The following CDKL4 variants were observed in gnomAD, a reference collection of about 807,000 sequenced individuals.
CDKL4 encodes the protein cyclin dependent kinase like 4.
A neutral mutation model predicts 42.0 loss-of-function variants in CDKL4; 44 were observed. The observed-to-expected ratio is 1.05, with a 90% confidence interval of 0.82 to 1.35. The LOEUF (loss-of-function observed/expected upper bound fraction) is 1.35, where lower values mean the gene tolerates loss of function less well. Among genes scored for constraint, CDKL4 ranks in the 40% most tolerant of loss-of-function variants. The pLI, the probability that CDKL4 is intolerant of heterozygous loss-of-function variation, is 0.00. For missense variants in CDKL4, 393 were observed against 369.9 expected (o/e 1.06, Z -0.51); for synonymous variants, 120 against 121.6 (o/e 0.99, Z 0.09).
chr2:39,173,181 T>C (rs915035503), downstream of CDKL4, among the ~76,000 whole-genome samples: 6 of 152,180 alleles, frequency 3.9e-5, no homozygotes, highest in African/African-American at 1.4e-4. Context: ...TGTGTATATA[T>C]GGATATGCAT....
At chr2:39,190,691 A>G (rs572320798) in intron 5 of CDKL4, among the ~76,000 whole-genome samples, 189 bp from the exon 6 acceptor site, 1 of 152,288 alleles carries the variant, frequency 6.6e-6, no homozygotes, top group South Asian at 2.1e-4. Flanking sequence ...ATTCAAGAGC[A>G]CTTTAGATAA....
At chr2:39,168,312 G>C in the CDKL4 span, among the ~76,000 whole-genome samples, 1 of 152,124 alleles carries the variant, frequency 6.6e-6, no homozygotes, top group Non-Finnish European at 1.5e-5. Context: ...ACAATATTTA[G>C]ACATATGGTC....
At chr2:39,201,614 T>C (rs1329414196) in intron 5 of CDKL4, among the ~76,000 whole-genome samples, 1 of 152,154 alleles carries the variant, frequency 6.6e-6, no homozygotes, top group African/African-American at 2.4e-5. Flanking sequence ...GTGGTATATA[T>C]ATACCGCAGA....
upstream of CDKL4, among the ~76,000 whole-genome samples, chr2:39,246,520 T>G (rs1336143917): frequency 6.6e-6 from 1 of 152,252 alleles, no homozygotes; most frequent in African/African-American, 2.4e-5. Flanking sequence ...CAGGCCCATC[T>G]TTTTATGCAG....
rs2148277804 is a variant in CDKL4 at position 39,178,877 on chromosome 2, TTATTA to T, written c.927+305_927+309del. 5.4e-6 allele frequency: 8 copies of T among 1,469,296 alleles called. No individual in the cohort carries two copies. In the South Asian group the frequency reaches 1.0e-4, roughly 19 times the overall value. 91.0% of individuals were successfully genotyped at this position (1,469,296 alleles called of 1,614,324 possible). ...ACTCAGTCCTGTTGGAATCAGCATT[TTATTA>T]TATGAAGTTGTTATATTATGGGTAT... On this transcript the variant is annotated intron_variant, in intron 9 of 9. Coordinates refer to ENST00000451199, the Ensembl canonical transcript of CDKL4.
At chr2:39,231,099 C>T (rs1023547282) in intron 1 of CDKL4, among the ~76,000 whole-genome samples, 5 of 152,144 alleles carry the variant, frequency 3.3e-5, no homozygotes, top group African/African-American at 1.2e-4. Context: ...GTAATCCCAG[C>T]TACTTAGGAG....
intron 1 of CDKL4, among the ~76,000 whole-genome samples, chr2:39,242,263 C>A (rs1395234896): frequency 6.6e-6 from 1 of 152,084 alleles, no homozygotes; most frequent in African/African-American, 2.4e-5. Flanking sequence ...CTAGGCTGAT[C>A]CTGAATTCCT....
the CDKL4 span, among the ~76,000 whole-genome samples, chr2:39,168,880 C>T: frequency 1.3e-5 from 2 of 151,784 alleles, no homozygotes; most frequent in Middle Eastern, 3.4e-3. Flanking sequence ...CCTCAGCCTC[C>T]TGAGTAGCTG....
chr2:39,225,678 T>C (rs1429229821), intron 3 of CDKL4, among the ~76,000 whole-genome samples, 161 bp downstream of exon 3: 1 of 152,216 alleles, frequency 6.6e-6, no homozygotes, highest in Non-Finnish European at 1.5e-5. Flanking sequence ...AGGTAAATCA[T>C]TGTTTGCCTT....
chr2:39,223,946 G>A (rs1400242161), intron 3 of CDKL4, among the ~76,000 whole-genome samples: 1 of 152,116 alleles, frequency 6.6e-6, no homozygotes, highest in Non-Finnish European at 1.5e-5. Flanking sequence ...GGAAGGTAAG[G>A]TGAGGCTCCT....
rs571984616 is a variant in CDKL4, at chr2:39,178,109, T to A, written c.927+1078A>T. Among the ~76,000 whole-genome samples, 259 of 152,354 alleles carry A rather than the reference T, an allele frequency of 1.7e-3. 1 individual carries two copies. The highest frequency in any genetic ancestry group is 6.1e-3 in the African/African-American group (254 of 41,580). On this transcript the variant is annotated intron_variant, in intron 9 of 9. Transcript: ENST00000451199. ...AAGTATAAGCTGCATTGGGCTTGAT[T>A]TGCAAACATTTAATAGCAAAAGGTA...
At chr2:39,219,690 G>C (rs1201138551) in intron 3 of CDKL4, among the ~76,000 whole-genome samples, 1 of 152,072 alleles carries the variant, frequency 6.6e-6, no homozygotes. Flanking sequence ...CAGAGTGCTG[G>C]GATTACAGGT....
At chr2:39,209,135 CA>C (rs1157267738) in intron 4 of CDKL4, among the ~76,000 whole-genome samples, 22 of 99,080 alleles carry the variant, frequency 2.2e-4, no homozygotes, top group African/African-American at 4.2e-4. Context: ...ACTATCTCTA[CA>C]AAAAAAAAAA....
At chr2:39,185,221 TATACACATAC>T (rs1247796766) in intron 7 of CDKL4, among the ~76,000 whole-genome samples, 2 of 24,956 alleles carry the variant, frequency 8.0e-5, no homozygotes, top group African/African-American at 1.8e-4. Flanking sequence ...TATATACATA[TATACACATAC>T]GTATATATAC....
intron 5 of CDKL4, among the ~76,000 whole-genome samples, chr2:39,194,255 G>A (rs1558554348): frequency 6.6e-6 from 1 of 152,168 alleles, no homozygotes; most frequent in Non-Finnish European, 1.5e-5. Flanking sequence ...CCAGAAGTTC[G>A]AGATGAGCCT....
At chr2:39,170,989 G>T (rs966549442), downstream of CDKL4, among the ~76,000 whole-genome samples, 71 of 152,220 alleles carry the variant, frequency 4.7e-4, no homozygotes, top group African/African-American at 1.7e-3. Flanking sequence ...TGTAATCTCA[G>T]CACTTTGGGA....
At chr2:39,188,687 C>T (rs1271620427) in intron 6 of CDKL4, among the ~76,000 whole-genome samples, 10 of 147,380 alleles carry the variant, frequency 6.8e-5, no homozygotes, top group Admixed American at 5.5e-4. Flanking sequence ...AATCTCACAA[C>T]AATAGTTGTT....
intron 8 of CDKL4, among the ~76,000 whole-genome samples, chr2:39,179,865 A>G (rs1232668007): frequency 6.6e-6 from 1 of 152,214 alleles, no homozygotes; most frequent in Non-Finnish European, 1.5e-5. Flanking sequence ...AACCTAAAAC[A>G]AGGAAAAATT....
chr2:39,197,205 G>A (rs968314214), intron 5 of CDKL4, among the ~76,000 whole-genome samples: 4 of 152,146 alleles, frequency 2.6e-5, no homozygotes, highest in African/African-American at 9.7e-5. Context: ...CTCAGCAACA[G>A]AACTGCACAA....
Sources: gnomAD v4.1 joint callset for allele counts (sites outside exome capture counted in the v4.1 genomes callset) on GRCh38, gnomAD v4.1.1 for gene constraint, MANE v1.5 for transcripts, NCBI Gene and HGNC (gene_info 2026-07-23, HGNC 2026-07-21) for gene names.